Variants in PUDP observed in about 807,000 individuals in gnomAD.
PUDP encodes pseudouridine-5'-phosphatase.
In PUDP, 8 loss-of-function variants were observed where a neutral mutation model predicts 9.4. The ratio of observed to expected loss-of-function variants is 0.85; its 90% CI spans 0.50 to 1.53. The LOEUF is 1.53. PUDP is among the 40% of genes most tolerant of loss of function. PUDP has a pLI of 0.00. For missense variants in PUDP, 188 were observed against 189.7 expected (o/e 0.99, Z 0.05); for synonymous variants, 99 against 80.7 (o/e 1.23, Z -1.22).
intron 1 of PUDP, among the ~76,000 whole-genome samples, chrX:7,124,710 G>A (rs1362502869): frequency 9.0e-6 from 1 of 111,306 alleles, no homozygotes; most frequent in Non-Finnish European, 1.9e-5. Flanking sequence ...ACTTTGGGAG[G>A]CCGAGGCGGG....
chrX:6,983,437 T>C (rs767527427), intron 1 of PUDP, among the ~76,000 whole-genome samples: 2 of 111,175 alleles, frequency 1.8e-5, no homozygotes, highest in East Asian at 5.7e-4. Flanking sequence ...TGCAAAAACA[T>C]GAAAAAAAAT....
intron 3 of PUDP, among the ~76,000 whole-genome samples, chrX:6,775,652 A>T (rs1925444996): frequency 9.0e-6 from 1 of 111,330 alleles, no homozygotes; most frequent in Non-Finnish European, 1.9e-5. Flanking sequence ...TGGAGCTATA[A>T]GAGGTGACTT....
chrX:6,762,176 A>G (rs770767664), intron 3 of PUDP, among the ~76,000 whole-genome samples: 227 of 112,250 alleles, frequency 2.0e-3, no homozygotes, highest in African/African-American at 6.9e-3. Flanking sequence ...TGGGCCACAG[A>G]GCAGATCTTG....
At chrX:6,913,376 A>G (rs1030883418) in intron 3 of PUDP, among the ~76,000 whole-genome samples, 24 of 111,915 alleles carry the variant, frequency 2.1e-4, no homozygotes, top group African/African-American at 7.8e-4. Flanking sequence ...CTCTGTGGAA[A>G]ACCCTAGAAA....
intron 1 of PUDP, among the ~76,000 whole-genome samples, chrX:7,132,083 G>A (rs1476898123): frequency 1.9e-5 from 2 of 104,354 alleles, no homozygotes; most frequent in East Asian, 6.9e-4. Flanking sequence ...CCCCGCCCCC[G>A]TACAAATTAC....
At chrX:6,742,775 A>AAAAC (rs1365098615) in intron 3 of PUDP, among the ~76,000 whole-genome samples, 1 of 111,662 alleles carries the variant, frequency 9.0e-6, no homozygotes, top group East Asian at 2.8e-4. Context: ...ACCCTGCCTC[A>AAAAC]AAACAAACAA....
At position 6,986,471 on chromosome X, in the gene PUDP, T is replaced by A. The variant is rs1929104923; in HGVS notation, c.205-8128A>T. 2.7e-5 allele frequency among the ~76,000 whole-genome samples: 3 copies of A among 111,333 alleles called. No individual in the cohort carries two copies. The Admixed American group carries it at 2.9e-4, about 11-fold the overall frequency. ...CAGGCTCTTCCCAGTTATGCTTTCA[T>A]TACAGTGAAAAACCACAGCAGATGA... On this transcript the variant is annotated intron_variant and NMD_transcript_variant, in intron 1 of 3. Transcript: ENST00000655425.
intron 3 of PUDP, among the ~76,000 whole-genome samples, chrX:7,060,269 G>A (rs886407438): frequency 1.2e-3 from 140 of 112,329 alleles, no homozygotes; most frequent in African/African-American, 4.3e-3. Flanking sequence ...GTTTATAGCT[G>A]TGGTTGCAAA....
intron 3 of PUDP, among the ~76,000 whole-genome samples, chrX:6,850,518 A>G (rs937869512): frequency 3.6e-5 from 4 of 112,567 alleles, no homozygotes; most frequent in Non-Finnish European, 7.5e-5. Context: ...TAAATGATAA[A>G]TTGCCTATGA....
chrX:6,725,264 T>C (rs1469205773), upstream of PUDP, among the ~76,000 whole-genome samples: 1 of 112,195 alleles, frequency 8.9e-6, no homozygotes, highest in African/African-American at 3.2e-5. Flanking sequence ...TATTAGTGGA[T>C]ACAAGTGCAG....
chrX:6,765,369 T>C (rs1925273089), intron 3 of PUDP, among the ~76,000 whole-genome samples: 1 of 111,989 alleles, frequency 8.9e-6, no homozygotes, highest in Non-Finnish European at 1.9e-5. Context: ...AAGAAATATG[T>C]AAAACCTGTC....
intron 3 of PUDP, among the ~76,000 whole-genome samples, chrX:6,856,234 A>G (rs1926904235): frequency 8.9e-6 from 1 of 111,880 alleles, no homozygotes; most frequent in Non-Finnish European, 1.9e-5. Flanking sequence ...CAAAGATCAC[A>G]TGGTGACCAC....
chrX:7,137,603 CA>C (rs1229715073), intron 1 of PUDP, among the ~76,000 whole-genome samples: 1 of 112,225 alleles, frequency 8.9e-6, no homozygotes, highest in Non-Finnish European at 1.9e-5. Flanking sequence ...CATCTTGTGA[CA>C]AAGCCATGAG....
At chrX:7,045,013 T>G (rs1929966615), downstream of PUDP, among the ~76,000 whole-genome samples, 1 of 111,983 alleles carries the variant, frequency 8.9e-6, no homozygotes, top group Admixed American at 9.4e-5. Flanking sequence ...TCCCCTGTGG[T>G]TTCGCTCTGT....
chrX:7,030,416 A>G (rs1794307999), intron 1 of PUDP, among the ~76,000 whole-genome samples: 1 of 112,200 alleles, frequency 8.9e-6, no homozygotes, highest in African/African-American at 3.2e-5. Context: ...TGAGTTAAAC[A>G]AAACCAGTGT....
intron 3 of PUDP, among the ~76,000 whole-genome samples, chrX:6,812,537 A>T (rs1926160710): frequency 8.9e-6 from 1 of 111,988 alleles, no homozygotes; most frequent in Admixed American, 9.5e-5. Flanking sequence ...TGTCTTCAAT[A>T]AGAAAGTTTG....
chrX:6,939,153 G>A (rs1928359715), intron 3 of PUDP, among the ~76,000 whole-genome samples: 1 of 109,877 alleles, frequency 9.1e-6, no homozygotes, highest in Non-Finnish European at 1.9e-5. Flanking sequence ...AGACAAGATA[G>A]ATTTTTATCT....
chrX:6,946,804 GT>G (rs1270474690), intron 3 of PUDP, among the ~76,000 whole-genome samples: 1 of 112,084 alleles, frequency 8.9e-6, no homozygotes, highest in East Asian at 2.8e-4. Flanking sequence ...AGTATGGAAG[GT>G]CACACAAACA....
chrX:6,762,724 A>T (rs547594255), intron 3 of PUDP, among the ~76,000 whole-genome samples: 3 of 112,635 alleles, frequency 2.7e-5, no homozygotes, highest in African/African-American at 9.7e-5. Context: ...AACGTTCCTT[A>T]TTGTAAAAAT....
Sources: gnomAD v4.1 joint callset for allele counts (sites outside exome capture counted in the v4.1 genomes callset) on GRCh38, gnomAD v4.1.1 for gene constraint, MANE v1.5 for transcripts, NCBI Gene and HGNC (gene_info 2026-07-23, HGNC 2026-07-21) for gene names.